Variants in MDM4 observed in about 807,000 individuals in gnomAD.
MDM4 encodes the protein protein Mdm4.
A neutral mutation model predicts 60.2 loss-of-function variants in MDM4; 2 were observed. That is an observed-to-expected ratio of 0.03 (90% CI 0.01 to 0.10). The LOEUF (loss-of-function observed/expected upper bound fraction) is 0.10, where lower values mean the gene tolerates loss of function less well. Among genes scored for constraint, MDM4 ranks in the 10% least tolerant of loss-of-function variants. The probability of loss-of-function intolerance (pLI) is 1.00; values close to 1 mark genes in which losing one functional copy is unlikely to be tolerated. For synonymous variants in MDM4, 202 were observed against 198.1 expected, an observed-to-expected ratio of 1.02 and a Z score of -0.17; for missense variants, 447 against 577.5, an observed-to-expected ratio of 0.77 and a Z score of 2.32.
At chr1:204,529,167 T>C (rs1660586016) in intron 3 of MDM4, 3 of 871,740 alleles carry the variant, frequency 3.4e-6, no homozygotes, top group East Asian at 2.5e-5. Flanking sequence ...TCCACAGGGC[T>C]GAGAAGCCGT....
At chr1:204,537,114 A>G (rs1186000130) in intron 5 of MDM4, 3 of 354,052 alleles carry the variant, frequency 8.5e-6, no homozygotes, top group Non-Finnish European at 1.6e-5. Flanking sequence ...AATAGACTCC[A>G]TTATGTCCTG....
intron 4 of MDM4, among the ~76,000 whole-genome samples, chr1:204,531,445 TTA>T: frequency 6.6e-6 from 1 of 152,312 alleles, no homozygotes. Flanking sequence ...AGTTATTAGC[TTA>T]TATAGTCAAA....
At chr1:204,536,481 C>A (rs1474802089) in intron 5 of MDM4, among the ~76,000 whole-genome samples, 1 of 152,162 alleles carries the variant, frequency 6.6e-6, no homozygotes, top group Non-Finnish European at 1.5e-5. Flanking sequence ...CCTCTAGCAG[C>A]CTTTATCAGA....
rs543575810 is a variant in MDM4, at chr1:204,556,959, T to C, written c.*7277T>C. 15 of 208,678 alleles carry C rather than the reference T, an allele frequency of 7.2e-5. No individual in the cohort carries two copies. Among genetic ancestry groups the C allele is most frequent in the African/African-American group, 3.4e-4 (15 of 44,040 alleles). 12.9% of individuals were successfully genotyped at this position (208,678 alleles called of 1,614,324 possible). A position where few individuals can be genotyped will look rare whatever the true frequency, so the allele number is the denominator to read the frequency against. On this transcript the variant is annotated 3_prime_UTR_variant, in exon 11 of 11. Transcript: ENST00000367182. ...CTATTAAGTGCCTCTTGGGTAGAGG[T>C]AGAGTTAAGTATTGAGTGCCAGTCT...
intron 7 of MDM4, among the ~76,000 whole-genome samples, chr1:204,539,729 G>GT (rs1177078463): frequency 6.6e-6 from 1 of 151,352 alleles, no homozygotes; most frequent in Non-Finnish European, 1.5e-5. Context: ...TAGAGACGGG[G>GT]TTTTACCATG....
rs1572528087 is a variant in MDM4, at chr1:204,549,099, A to G, written c.904-14A>G. ...AACCCCCTGAGTATTAATTGGCTTC[A>G]CTTGTCTTTGTAGGATGAGTGGCAG... On this transcript the variant is annotated splice_polypyrimidine_tract_variant and intron_variant, in intron 10 of 10. Coordinates refer to ENST00000367182, the MANE Select transcript of MDM4 (RefSeq NM_002393.5). The G allele has an allele frequency of 2.0e-6, 3 of 1,534,376 alleles. No individual in the cohort carries two copies. The highest frequency in any genetic ancestry group is 2.7e-6 in the Non-Finnish European group (3 of 1,122,358).
At position 204,544,530 on chromosome 1, in the gene MDM4, G is replaced by T. The variant is rs1349759253; in HGVS notation, c.673-5G>T. On this transcript the variant is annotated splice_polypyrimidine_tract_variant and splice_region_variant and intron_variant, in intron 8 of 10. Coordinates refer to ENST00000367182, the MANE Select transcript of MDM4 (RefSeq NM_002393.5). ...AGAAACTCATGTTTGTTTTTTTTCT[G>T]TTAGGATGTGGGTACTGCCATTGTT... 3.1e-6 allele frequency: 5 copies of T among 1,592,196 alleles called. No homozygotes were observed. Among genetic ancestry groups the T allele is most frequent in the Admixed American group, 1.8e-5 (1 of 56,930 alleles).
chr1:204,555,932 T>G lies in MDM4; in HGVS notation c.*6250T>G, dbSNP rs2102485012. ...TTTCTTATCTGAAGGCACTGTTTTTTTTTTTAAACAGTTAAGTACTGATGT... is the reference window on the plus strand; with the variant it reads ...TTTCTTATCTGAAGGCACTGTTTTTGTTTTTAAACAGTTAAGTACTGATGT... On this transcript the variant is annotated 3_prime_UTR_variant, in exon 11 of 11. Coordinates refer to ENST00000367182, the MANE Select transcript of MDM4 (RefSeq NM_002393.5). 3 of 201,098 alleles carry G rather than the reference T, an allele frequency of 1.5e-5. No individual in the cohort carries two copies. The East Asian group carries it at 2.3e-4, about 16-fold the overall frequency. The allele number at this position is 201,098 out of a possible 1,614,324, so 12.5% of individuals were successfully genotyped here.
chr1:204,526,292 C>A, intron 2 of MDM4, 68 bp from the exon 3 acceptor site: 2 of 1,367,004 alleles, frequency 1.5e-6, no homozygotes, highest in Non-Finnish European at 2.1e-6. Flanking sequence ...TAAAGAGGTT[C>A]TCTTGTTCCA....
chr1:204,546,735 C>T (rs2290855), intron 9 of MDM4, 62 bp from the exon 10 acceptor site: 731,322 of 1,106,654 alleles, frequency 0.66, 248,355 homozygotes, highest in East Asian at 0.71. Flanking sequence ...TTTTTGCTTT[C>T]AGTTAATTAG....
chr1:204,525,288 T>TA (rs1288029817), intron 1 of MDM4, 196 bp from the exon 2 acceptor site: 5 of 978,772 alleles, frequency 5.1e-6, no homozygotes, highest in Non-Finnish European at 6.1e-6. Context: ...GGACGATTCT[T>TA]ACTCTTAATT....
chr1:204,547,726 T>C (rs1662803634), intron 10 of MDM4, among the ~76,000 whole-genome samples: 1 of 152,248 alleles, frequency 6.6e-6, no homozygotes, highest in African/African-American at 2.4e-5. Flanking sequence ...GATAAATGTT[T>C]CCATCTGTTT....
intron 10 of MDM4, among the ~76,000 whole-genome samples, chr1:204,547,932 G>C (rs1174834770): frequency 6.6e-6 from 1 of 152,186 alleles, no homozygotes; most frequent in Non-Finnish European, 1.5e-5. Context: ...ATGTTGGTCA[G>C]GCTGGTCTTG....
rs901230245 is a variant in MDM4, at chr1:204,549,407, A to C, written c.1198A>C (p.Ser400Arg). 6.2e-7 allele frequency: 1 copy of C among 1,613,626 alleles called. No individual in the cohort carries two copies. Among genetic ancestry groups the C allele is most frequent in the Admixed American group, 1.7e-5 (1 of 59,862 alleles). ...NSVEFLDLAH[S>R]SESQETISSM... ...AGTGGAATTCTTGGATTTGGCTCAC[A>C]GTTCTGAAAGCCAAGAGACCATCTC... The change falls in exon 11 of 11, where the codon AGT becomes CGT. Residue 400 changes from serine to arginine, a missense_variant. Around this residue, in one of 8 missense-constraint regions of MDM4, gnomAD observed 117 missense variants for 114.5 expected, o/e 1.02. Coordinates refer to ENST00000367182, the MANE Select transcript of MDM4 (RefSeq NM_002393.5).
intron 7 of MDM4, among the ~76,000 whole-genome samples, chr1:204,538,706 C>CT (rs761804094): frequency 0.031 from 4,326 of 139,518 alleles, 119 homozygotes; most frequent in East Asian, 0.086. Context: ...AATTTTCATA[C>CT]TTTTTTTTTT....
intron 3 of MDM4, chr1:204,529,406 A>G (rs1660612911): frequency 7.9e-7 from 1 of 1,257,886 alleles, no homozygotes; most frequent in African/African-American, 1.5e-5. Context: ...CACCGTAGGA[A>G]TTTGGAGGTG....
chr1:204,541,253 G>C (rs1189517407), intron 7 of MDM4, among the ~76,000 whole-genome samples: 1 of 152,182 alleles, frequency 6.6e-6, no homozygotes, highest in East Asian at 1.9e-4. Flanking sequence ...GAGCTCAAGA[G>C]TTCGAGACCA....
chr1:204,543,111 C>G (rs1363107024), intron 8 of MDM4, among the ~76,000 whole-genome samples, 167 bp downstream of exon 8: 2 of 152,178 alleles, frequency 1.3e-5, no homozygotes, highest in Non-Finnish European at 2.9e-5. Context: ...TAGTCCTTAC[C>G]TCTTCCCTAA....
At chr1:204,534,573 C>T (rs778540632) in intron 5 of MDM4, among the ~76,000 whole-genome samples, 17 of 152,114 alleles carry the variant, frequency 1.1e-4, no homozygotes, top group South Asian at 6.2e-4. Flanking sequence ...CTGCAACCTC[C>T]GCCTCCGTGG....
Sources: gnomAD v4.1 joint callset for allele counts (sites outside exome capture counted in the v4.1 genomes callset) on GRCh38, gnomAD v4.1.1 for gene constraint, gnomAD v4.1.1 regional missense constraint, MANE v1.5 for transcripts, NCBI Gene and HGNC (gene_info 2026-07-23, HGNC 2026-07-21) for gene names.